Variants in AKAP13 observed in about 807,000 individuals in gnomAD.
AKAP13 encodes the protein A-kinase anchoring protein 13, also known as A-kinase anchor protein 13.
Under a neutral mutation model 264.5 loss-of-function variants are expected in AKAP13, and 80 were observed. The observed-to-expected ratio is 0.30, with a 90% CI of 0.25 to 0.36. AKAP13 has a LOEUF of 0.36. Among genes scored for constraint, AKAP13 ranks in the 10% least tolerant of loss-of-function variants. The pLI is 1.00. For synonymous variants in AKAP13, 1,380 were observed against 1,250.2 expected (o/e 1.10, Z -2.19); for missense variants, 3,712 against 3,435.2 (o/e 1.08, Z -2.01).
At chr15:85,535,799 C>A (rs1320481177) in intron 4 of AKAP13, 2 of 138,300 alleles carry the variant, frequency 1.4e-5, no homozygotes, top group Non-Finnish European at 3.1e-5. Flanking sequence ...CTTTCTCTCT[C>A]TTTTTTTTTT....
chr15:85,600,320 A>T lies in AKAP13; in HGVS notation c.4161+14497A>T, dbSNP rs1000256649. Among the ~76,000 whole-genome samples, 131 of 47,570 alleles carry T rather than the reference A, an allele frequency of 2.8e-3. 1 individual carries two copies. The Middle Eastern group carries it at 0.058, about 21-fold the overall frequency. The allele number at this position is 47,570 out of a possible 152,430, so 31.2% of individuals were successfully genotyped here. ...GGAAGATGGGAATAGCTTAGATTTA[A>T]AAAAAAAAAAAAAAAAAGGCTAGCT... On this transcript the variant is annotated intron_variant, in intron 8 of 36. Transcript: ENST00000394518.
At chr15:85,456,989 A>T (rs1373442720) in intron 1 of AKAP13, among the ~76,000 whole-genome samples, 2 of 152,222 alleles carry the variant, frequency 1.3e-5, no homozygotes, top group Non-Finnish European at 2.9e-5. Flanking sequence ...GTCAGGCACC[A>T]ACTGTAGCGA....
chr15:85,638,743 C>G (rs145943953), intron 8 of AKAP13, among the ~76,000 whole-genome samples: 24 of 145,446 alleles, frequency 1.7e-4, no homozygotes, highest in African/African-American at 6.2e-4. Context: ...CTGTTTATTA[C>G]TTCAGCAACC....
chr15:85,724,750 G>T lies in AKAP13; in HGVS notation c.6745+1430G>T, dbSNP rs141714883. On this transcript the variant is annotated intron_variant, in intron 26 of 36. Transcript: ENST00000394518. The surrounding 1 kb of genome is among the most constrained non-coding windows in gnomAD (Gnocchi z 4.2). ...GGGCAGTTTAGAGTGCAGCTGGAGT[G>T]AAGAGAGACTGGTGACAGATAAGAG... Among the ~76,000 whole-genome samples, 322 of 152,046 alleles carry T rather than the reference G, an allele frequency of 2.1e-3. No individual in the cohort carries two copies. Among genetic ancestry groups the T allele is most frequent in the African/African-American group, 7.4e-3 (305 of 41,490 alleles).
At position 85,496,428 on chromosome 15, in the gene AKAP13, C is replaced by T. The variant is rs374739460; in HGVS notation, c.33+10675C>T. On this transcript the variant is annotated intron_variant, in intron 2 of 36. Transcript: ENST00000394518. ...AGACCTCAGAAGACGAGCATGCAAA[C>T]GGAGATACTGTGATTAGGAGGAGGA... Among the ~76,000 whole-genome samples the T allele has an allele frequency of 2.6e-5, 4 of 152,118 alleles. No individual in the cohort carries two copies. In the South Asian group the frequency reaches 6.2e-4, roughly 24 times the overall value.
chr15:85,430,316 C>A (rs1479353729), intron 1 of AKAP13, among the ~76,000 whole-genome samples: 1 of 152,198 alleles, frequency 6.6e-6, no homozygotes, highest in East Asian at 1.9e-4. Flanking sequence ...CTCCTACTTT[C>A]AAGTTATTTT....
rs147285039 is a variant in AKAP13 at position 85,493,695 on chromosome 15, T to C, written c.33+7942T>C. Among the ~76,000 whole-genome samples the C allele has an allele frequency of 2.0e-5, 3 of 152,350 alleles. No homozygotes were observed. The East Asian group carries it at 5.8e-4, about 29-fold the overall frequency. On this transcript the variant is annotated intron_variant, in intron 2 of 36. Coordinates refer to ENST00000394518, the MANE Select transcript of AKAP13 (RefSeq NM_007200.5). ...TGAGCCATTTGTTTATAGCAAGCCA[T>C]GTGACTGCTTCTATTTTTTATGAAC...
chr15:85,688,714 G>A (rs770741673), intron 16 of AKAP13, among the ~76,000 whole-genome samples: 98 of 152,250 alleles, frequency 6.4e-4, no homozygotes, highest in Non-Finnish European at 1.2e-3. Context: ...ACTGGGTTTT[G>A]TATATAAACT....
At chr15:85,736,208 T>A in intron 33 of AKAP13, 74 bp downstream of exon 33, 1 of 487,586 alleles carries the variant, frequency 2.1e-6, no homozygotes, top group Non-Finnish European at 3.1e-6. Context: ...TGTTTTTTCC[T>A]TTTTTTTTTT....
chr15:85,586,832 G>A (rs141473183), intron 8 of AKAP13, among the ~76,000 whole-genome samples: 10,009 of 151,896 alleles, frequency 0.066, 446 homozygotes, highest in East Asian at 0.2. Context: ...GAAGGCTGAG[G>A]CATGAGAATC....
At chr15:85,626,906 C>T (rs563638758) in intron 8 of AKAP13, among the ~76,000 whole-genome samples, 1 of 152,214 alleles carries the variant, frequency 6.6e-6, no homozygotes, top group East Asian at 1.9e-4. Flanking sequence ...TCCTCGCCAA[C>T]ACTTATTTTC....
chr15:85,469,976 A>G (rs1458597413), intron 1 of AKAP13, among the ~76,000 whole-genome samples: 2 of 152,186 alleles, frequency 1.3e-5, no homozygotes, highest in African/African-American at 2.4e-5. Flanking sequence ...TCCAAGTAAC[A>G]TATAGGGCAG....
intron 33 of AKAP13, 148 bp from the exon 34 acceptor site, chr15:85,740,074 T>C: frequency 1.2e-6 from 1 of 837,036 alleles, no homozygotes; most frequent in Non-Finnish European, 1.8e-6. Flanking sequence ...TTAGTTTCTT[T>C]GGTGCTTTCA....
intron 8 of AKAP13, among the ~76,000 whole-genome samples, chr15:85,596,459 G>A (rs1418895114): frequency 1.3e-5 from 2 of 152,000 alleles, no homozygotes; most frequent in Non-Finnish European, 2.9e-5. Flanking sequence ...TTAGCCAGGC[G>A]TGGTGGCATG....
At chr15:85,717,040 C>A in intron 20 of AKAP13, 1 of 412,006 alleles carries the variant, frequency 2.4e-6, no homozygotes, top group Non-Finnish European at 4.3e-6. Flanking sequence ...GTTCCCCTTG[C>A]TTCTTATCAC....
Position 85,741,242 on chromosome 15 carries a change from A to G in AKAP13, c.7805A>G (p.Glu2602Gly). The G allele has an allele frequency of 6.2e-7, 1 of 1,609,450 alleles. No homozygotes were observed. The highest frequency in any genetic ancestry group is 8.5e-7 in the Non-Finnish European group (1 of 1,177,976). Reference sequence around the variant, plus strand: ...TACCTCGAGGAGAAGCGCAGGCGCGAGCGTGAGTGGGAAGCTCGTGAGAGG... The same window carrying G: ...TACCTCGAGGAGAAGCGCAGGCGCGGGCGTGAGTGGGAAGCTCGTGAGAGG... ...AQYLEEKRRREREWEAREREL... is the reference protein window; with the variant it reads ...AQYLEEKRRRGREWEAREREL... The change falls in exon 35 of 37, where the codon GAG becomes GGG. Residue 2602 changes from glutamate to glycine, a missense_variant. Physicochemically the swap from Glu to Gly is moderately conservative, Grantham distance 98. Transcript: ENST00000394518.
chr15:85,556,354 G>A (rs924390669), intron 5 of AKAP13, among the ~76,000 whole-genome samples: 1 of 152,184 alleles, frequency 6.6e-6, no homozygotes, highest in Non-Finnish European at 1.5e-5. Flanking sequence ...GATATGCAGT[G>A]CATTACAACA....
rs191353950 is a variant in AKAP13, at chr15:85,446,183, C to A, written c.-11-39527C>A. Among the ~76,000 whole-genome samples the A allele has an allele frequency of 7.9e-5, 12 of 152,212 alleles. No individual in the cohort carries two copies. The East Asian group carries it at 2.1e-3, about 27-fold the overall frequency. On this transcript the variant is annotated intron_variant, in intron 1 of 36. Coordinates refer to ENST00000394518, the MANE Select transcript of AKAP13 (RefSeq NM_007200.5). ...TGGAAAGATTTGACCAGAGAATTGA[C>A]ACATACTATATTGAAGTTGTGGGGC...
At chr15:85,666,940 C>CT (rs1316183306) in intron 13 of AKAP13, among the ~76,000 whole-genome samples, 1 of 152,196 alleles carries the variant, frequency 6.6e-6, no homozygotes, top group Non-Finnish European at 1.5e-5. Context: ...TTGTACCTCA[C>CT]TGCAAGTCTT....
Sources: gnomAD v4.1 joint callset for allele counts (sites outside exome capture counted in the v4.1 genomes callset) on GRCh38, gnomAD v4.1.1 for gene constraint, Gnocchi (gnomAD v3.1) non-coding constraint, MANE v1.5 for transcripts, NCBI Gene and HGNC (gene_info 2026-07-23, HGNC 2026-07-21) for gene names.